Variants in CEACAM18 observed in about 807,000 individuals in gnomAD.
CEACAM18 encodes CEA cell adhesion molecule 18.
Under a neutral mutation model 34.3 loss-of-function variants are expected in CEACAM18, and 33 were observed. The ratio of observed to expected loss-of-function variants is 0.96; its 90% CI spans 0.73 to 1.29. The LOEUF (loss-of-function observed/expected upper bound fraction) is 1.29. CEACAM18 is among the 50% of genes most tolerant of loss of function. The pLI is 0.00. For missense variants in CEACAM18, 474 were observed against 485.0 expected, an observed-to-expected ratio of 0.98 and a Z score of 0.21; for synonymous variants, 169 against 180.9, an observed-to-expected ratio of 0.93 and a Z score of 0.53.
downstream of CEACAM18, among the ~76,000 whole-genome samples, chr19:51,491,131 C>A (rs577122798): frequency 6.6e-6 from 1 of 152,198 alleles, no homozygotes; most frequent in South Asian, 2.1e-4. Context: ...CTGAACGCAG[C>A]CCCAGTGAGG....
At chr19:51,486,460 TA>T (rs1467441532) in intron 5 of CEACAM18, among the ~76,000 whole-genome samples, 1 of 152,112 alleles carries the variant, frequency 6.6e-6, no homozygotes, top group Non-Finnish European at 1.5e-5. Flanking sequence ...AGCTGTTTCT[TA>T]GGGGATTTTC....
exon 3 of CEACAM18, chr19:51,481,444 A>G: frequency 6.2e-7 from 1 of 1,614,006 alleles, no homozygotes; most frequent in South Asian, 1.1e-5. Context: ...CTGGTGGAGA[A>G]CATGGATTCT....
At chr19:51,485,003 C>G (rs144361222) in exon 5 of CEACAM18, 2 of 1,536,126 alleles carry the variant, frequency 1.3e-6, no homozygotes, top group African/African-American at 1.4e-5. Context: ...TACCTGTTGT[C>G]CACAGAGATT....
chr19:51,490,787 A>G (rs1056006962), exon 6 of CEACAM18: 16 of 440,786 alleles, frequency 3.6e-5, no homozygotes, highest in African/African-American at 3.0e-4. Flanking sequence ...TGGAGGCTCC[A>G]GTAGGAGGTC....
chr19:51,478,575 T>G, upstream of CEACAM18: 1 of 1,397,210 alleles, frequency 7.2e-7, no homozygotes, highest in Non-Finnish European at 1.0e-6. Flanking sequence ...ACACAGGTCT[T>G]GGAGGGAGCA....
At position 51,482,412 on chromosome 19, in the gene CEACAM18, G is replaced by A. The variant is rs557771460; in HGVS notation, c.674-605G>A. 3.3e-5 allele frequency among the ~76,000 whole-genome samples: 5 copies of A among 152,226 alleles called. No homozygotes were observed. The South Asian group carries it at 8.3e-4, about 25-fold the overall frequency. ...TCACGTCTCCTGGAACTACTCCAGC[G>A]GTCTGTCAGATTTCCTAAAGCGCAG... On this transcript the variant is annotated intron_variant, in intron 3 of 5. Coordinates refer to ENST00000396477, the Ensembl canonical transcript of CEACAM18.
rs1324989985 is a variant in CEACAM18 at position 51,479,185 on chromosome 19, T to G, written c.52+491T>G. On this transcript the variant is annotated intron_variant, in intron 1 of 5. Transcript: ENST00000396477. ...CCCTACAAGCACAACTGTCCTGCTT[T>G]ACCACGTGTACTGTCCTTGAACAGG... 2.0e-5 allele frequency among the ~76,000 whole-genome samples: 3 copies of G among 152,106 alleles called. No homozygotes were observed. In the East Asian group the frequency reaches 5.8e-4, roughly 29 times the overall value.
chr19:51,480,621 C>CT lies in CEACAM18; in HGVS notation c.342dup (p.Val115CysfsTer8). ...GCATTAAATGACACGGGAAACTACA[C>CT]TGTTCGGGTGGTTGCAGGCAATGAG... On this transcript the variant is annotated frameshift_variant, in exon 2 of 6. Transcript: ENST00000396477. LOFTEE classifies it high-confidence loss of function. The CT allele has an allele frequency of 6.2e-7, 1 of 1,613,978 alleles. No homozygotes were observed. The highest frequency in any genetic ancestry group is 8.5e-7 in the Non-Finnish European group (1 of 1,179,904).
At chr19:51,484,845 TCCCTC>T (rs1989974204) in intron 4 of CEACAM18, 137 bp from the exon 5 acceptor site, 1 of 1,029,164 alleles carries the variant, frequency 9.7e-7, no homozygotes, top group African/African-American at 1.6e-5. Flanking sequence ...GGCTGCTGAA[TCCCTC>T]GTACCTGGAA....
At chr19:51,480,623 G>C in exon 2 of CEACAM18, 3 of 1,614,010 alleles carry the variant, frequency 1.9e-6, no homozygotes, top group Non-Finnish European at 2.5e-6. Context: ...AAACTACACT[G>C]TTCGGGTGGT....
At chr19:51,486,735 T>A (rs1001318121) in intron 5 of CEACAM18, among the ~76,000 whole-genome samples, 20 of 151,068 alleles carry the variant, frequency 1.3e-4, no homozygotes, top group African/African-American at 4.1e-4. Context: ...TTTTTTTTTT[T>A]TATATGGAGT....
intron 3 of CEACAM18, among the ~76,000 whole-genome samples, chr19:51,482,563 C>A (rs28523450): frequency 0.19 from 29,352 of 152,154 alleles, 3,011 homozygotes; most frequent in Middle Eastern, 0.35. Context: ...CTGCTCAGGG[C>A]AGTTGCTCCC....
exon 5 of CEACAM18, chr19:51,485,069 C>T (rs912258200): frequency 3.1e-5 from 47 of 1,535,304 alleles, no homozygotes; most frequent in Middle Eastern, 1.7e-4. Context: ...TGCTGGGTGG[C>T]GTTTACATCT....
chr19:51,480,827 G>A (rs1989902089), intron 2 of CEACAM18, 147 bp downstream of exon 2: 1 of 732,994 alleles, frequency 1.4e-6, no homozygotes, highest in South Asian at 1.9e-5. Flanking sequence ...AGCTCCTGGG[G>A]GATCTGAGGG....
chr19:51,489,239 C>G (rs1990050389), intron 5 of CEACAM18, among the ~76,000 whole-genome samples: 1 of 150,474 alleles, frequency 6.6e-6, no homozygotes, highest in Admixed American at 6.6e-5. Context: ...GTCTCTCATT[C>G]AGTTTCTCGG....
At chr19:51,481,141 A>G (rs1012319563) in intron 2 of CEACAM18, among the ~76,000 whole-genome samples, 6 of 152,206 alleles carry the variant, frequency 3.9e-5, no homozygotes, top group Non-Finnish European at 5.9e-5. Flanking sequence ...TGATTAGGCC[A>G]CATGTTTATG....
intron 1 of CEACAM18, among the ~76,000 whole-genome samples, chr19:51,479,754 G>C (rs1989875849): frequency 6.6e-6 from 1 of 152,214 alleles, no homozygotes; most frequent in African/African-American, 2.4e-5. Context: ...GGAACAGCGT[G>C]TGCGAAGCCT....
intron 3 of CEACAM18, among the ~76,000 whole-genome samples, chr19:51,482,012 G>A (rs1989925257): frequency 6.6e-6 from 1 of 152,150 alleles, no homozygotes; most frequent in African/African-American, 2.4e-5. Context: ...AAGTTTTCAA[G>A]CCCCTTGAGC....
intron 2 of CEACAM18, 105 bp downstream of exon 2, chr19:51,480,785 G>A (rs2122181466): frequency 9.4e-7 from 1 of 1,066,314 alleles, no homozygotes; most frequent in Non-Finnish European, 1.4e-6. Flanking sequence ...TGGAAATCAC[G>A]GAGCCGCCCT....
Sources: allele counts gnomAD v4.1 joint callset (sites outside exome capture counted in the v4.1 genomes callset), GRCh38; gene constraint gnomAD v4.1.1; transcripts MANE v1.5; gene names NCBI Gene and HGNC (gene_info 2026-07-23, HGNC 2026-07-21).